Variants in MRPS6 observed in about 807,000 individuals in gnomAD.
MRPS6 encodes small ribosomal subunit protein bS6m.
MRPS6 carries 6 observed loss-of-function variants against 13.1 expected under a neutral mutation model. That is an observed-to-expected ratio of 0.46 (90% CI 0.25 to 0.91). The LOEUF (loss-of-function observed/expected upper bound fraction) is 0.91, where lower values mean the gene tolerates loss of function less well. Ranked by LOEUF, MRPS6 falls within the 40% of genes least tolerant of loss-of-function variation. MRPS6 has a pLI of 0.18. For missense variants in MRPS6, 164 were observed against 155.6 expected (o/e 1.05, Z -0.29); for synonymous variants, 61 against 56.5 (o/e 1.08, Z -0.36).
chr21:34,112,389 A>G (rs1979736981), intron 1 of MRPS6, among the ~76,000 whole-genome samples: 1 of 150,950 alleles, frequency 6.6e-6, no homozygotes, highest in Admixed American at 6.6e-5. Flanking sequence ...GGGGTTACAG[A>G]AGAAAGACAC....
chr21:34,142,348 A>G (rs1277172630), intron 2 of MRPS6, 60 bp from the exon 3 acceptor site: 5 of 1,517,612 alleles, frequency 3.3e-6, no homozygotes, highest in African/African-American at 2.8e-5. Context: ...AACACTGACC[A>G]AAATAGTAGA....
chr21:34,105,303 CTTTCTTT>C, intron 1 of MRPS6: 1 of 999,890 alleles, frequency 1.0e-6, no homozygotes, highest in Non-Finnish European at 1.2e-6. Flanking sequence ...CTTCTCAGTG[CTTTCTTT>C]TTTCTTTTTG....
intron 1 of MRPS6, among the ~76,000 whole-genome samples, chr21:34,090,045 C>G (rs771626135): frequency 6.6e-5 from 10 of 152,154 alleles, no homozygotes; most frequent in Non-Finnish European, 1.3e-4. Context: ...CTCCAGTGAG[C>G]ATTTCCTTTG....
intron 2 of MRPS6, among the ~76,000 whole-genome samples, chr21:34,134,544 A>G (rs1324002378): frequency 2.0e-5 from 3 of 152,352 alleles, no homozygotes; most frequent in Non-Finnish European, 1.5e-5. Flanking sequence ...TTTAAAGTGT[A>G]TAATTTAATA....
intron 1 of MRPS6, among the ~76,000 whole-genome samples, chr21:34,076,093 T>A (rs1478340825): frequency 6.6e-6 from 1 of 152,234 alleles, no homozygotes; most frequent in African/African-American, 2.4e-5. Context: ...CCAAATCATT[T>A]GTGCATCTTG....
chr21:34,118,997 C>A (rs1407351398), intron 1 of MRPS6, among the ~76,000 whole-genome samples: 1 of 152,146 alleles, frequency 6.6e-6, no homozygotes, highest in Non-Finnish European at 1.5e-5. Flanking sequence ...CACATTTGAA[C>A]ATGTACTTAG....
rs1200672366 is a variant in MRPS6, at chr21:34,096,975, G to A, written c.45+23230G>A. ...CATCATTCCCAACGGGAAATCTGAA[G>A]ACAGCATTAAGGGCCTTCAGCCTGA... On this transcript the variant is annotated intron_variant, in intron 1 of 2. Transcript: ENST00000399312. The surrounding 1 kb of genome is among the most constrained non-coding windows in gnomAD (Gnocchi z 5.9). The A allele has an allele frequency of 1.1e-5, 18 of 1,614,026 alleles. No homozygotes were observed. Among genetic ancestry groups the A allele is most frequent in the Non-Finnish European group, 1.4e-5 (17 of 1,180,006 alleles).
At chr21:34,084,055 T>G (rs990558136) in intron 1 of MRPS6, among the ~76,000 whole-genome samples, 1 of 152,210 alleles carries the variant, frequency 6.6e-6, no homozygotes, top group African/African-American at 2.4e-5. Flanking sequence ...TTCTTAGGTT[T>G]AATTCAGGGC....
chr21:34,074,380 T>C (rs1030568661), intron 1 of MRPS6, among the ~76,000 whole-genome samples: 2 of 152,254 alleles, frequency 1.3e-5, no homozygotes, highest in African/African-American at 4.8e-5. Flanking sequence ...AAAATCCCGC[T>C]CCGGGTGCCC....
rs572729813 is a variant in MRPS6 at position 34,116,509 on chromosome 21, CTATCCTAATAACTTTAT to C, written c.46-8831_46-8815del. Among the ~76,000 whole-genome samples, 35 of 152,134 alleles carry C rather than the reference CTATCCTAATAACTTTAT, an allele frequency of 2.3e-4. No homozygotes were observed. The South Asian group carries it at 7.3e-3, about 32-fold the overall frequency. On this transcript the variant is annotated intron_variant, in intron 1 of 2. Transcript: ENST00000399312. The stretch of plus-strand genomic sequence containing the variant: ...GGGCAATAAGATTTCCATTCATTCA[CTATCCTAATAACTTTAT>C]GATGAGCATTTTTCATAGCTAAGTC...
chr21:34,089,853 A>G (rs898682505), intron 1 of MRPS6, among the ~76,000 whole-genome samples: 1 of 152,194 alleles, frequency 6.6e-6, no homozygotes, highest in Non-Finnish European at 1.5e-5. Context: ...TTTAATAGAA[A>G]TGTTTTGTCA....
At chr21:34,081,435 G>T (rs1265669807) in intron 1 of MRPS6, among the ~76,000 whole-genome samples, 1 of 152,146 alleles carries the variant, frequency 6.6e-6, no homozygotes, top group East Asian at 1.9e-4. Context: ...GGGTATGAAG[G>T]CTTCTGCTTT....
At chr21:34,098,973 G>C in intron 1 of MRPS6, 1 of 987,496 alleles carries the variant, frequency 1.0e-6, no homozygotes, top group Non-Finnish European at 1.2e-6. Flanking sequence ...TACTTTTGTA[G>C]ATTTTGAATC....
intron 2 of MRPS6, among the ~76,000 whole-genome samples, chr21:34,134,750 T>C (rs1980627153): frequency 6.6e-6 from 1 of 152,148 alleles, no homozygotes; most frequent in South Asian, 2.1e-4. Flanking sequence ...GCAGATGCAG[T>C]AGAAGCCGTA....
chr21:34,097,078 C>T, intron 1 of MRPS6: 1 of 1,614,032 alleles, frequency 6.2e-7, no homozygotes, highest in Non-Finnish European at 8.5e-7. Context: ...GCAGAAACAC[C>T]AGTTGACGCT....
chr21:34,103,681 CAG>C, intron 1 of MRPS6: 1 of 1,000,142 alleles, frequency 1.0e-6, no homozygotes, highest in Non-Finnish European at 1.2e-6. Context: ...GTATTTGTCT[CAG>C]AGTTGCTATG....
intron 1 of MRPS6, among the ~76,000 whole-genome samples, chr21:34,108,595 T>G (rs1472442381): frequency 6.6e-6 from 1 of 152,238 alleles, no homozygotes; most frequent in African/African-American, 2.4e-5. Context: ...CCTCGGTGTT[T>G]GTATTTCTCT....
rs557047973 is a variant in MRPS6 at position 34,091,360 on chromosome 21, T to C, written c.45+17615T>C. Among the ~76,000 whole-genome samples the C allele has an allele frequency of 3.9e-5, 6 of 152,306 alleles. No individual in the cohort carries two copies. The South Asian group carries it at 1.0e-3, about 26-fold the overall frequency. ...GGTTTTAGTGGCAGGTGGTTTTTTA[T>C]TTTATTATTTTTTTGATAGAGTGCC... On this transcript the variant is annotated intron_variant, in intron 1 of 2. Transcript: ENST00000399312.
intron 1 of MRPS6, among the ~76,000 whole-genome samples, chr21:34,114,922 A>G (rs1979843923): frequency 6.6e-6 from 1 of 152,162 alleles, no homozygotes; most frequent in Admixed American, 6.5e-5. Flanking sequence ...TTATTCGCTC[A>G]TAGCCTTTTG....
Sources: gnomAD v4.1 joint callset for allele counts (sites outside exome capture counted in the v4.1 genomes callset) on GRCh38, gnomAD v4.1.1 for gene constraint, Gnocchi (gnomAD v3.1) non-coding constraint, MANE v1.5 for transcripts, NCBI Gene and HGNC (gene_info 2026-07-23, HGNC 2026-07-21) for gene names.